The following CNTLN variants were observed in gnomAD, a reference collection of about 807,000 sequenced individuals.
CNTLN encodes centlein.
CNTLN carries 212 observed loss-of-function variants against 180.0 expected under a neutral mutation model. The ratio of observed to expected loss-of-function variants is 1.18; its 90% CI spans 1.05 to 1.32. The LOEUF is 1.32. Ranked by LOEUF, CNTLN falls within the 40% of genes most tolerant of loss-of-function variation. CNTLN has a pLI of 0.00. For missense variants in CNTLN, 2,095 were observed against 1,610.9 expected, an observed-to-expected ratio of 1.30 and a Z score of -5.14; for synonymous variants, 722 against 563.1, an observed-to-expected ratio of 1.28 and a Z score of -3.99.
chr9:17,262,709 A>G (rs975078119), intron 5 of CNTLN, among the ~76,000 whole-genome samples: 1 of 151,352 alleles, frequency 6.6e-6, no homozygotes, highest in Non-Finnish European at 1.5e-5. Flanking sequence ...AACCTTCACG[A>G]TCTGCACATG....
chr9:17,469,282 C>T (rs558277183), intron 23 of CNTLN, among the ~76,000 whole-genome samples: 1 of 151,842 alleles, frequency 6.6e-6, no homozygotes, highest in African/African-American at 2.4e-5. Context: ...CCATTTATAA[C>T]TCATGACTTC....
In CNTLN at chr9:17,266,712, C is replaced by G. The variant is rs528572962; in HGVS notation, c.850-7021C>G. Among the ~76,000 whole-genome samples, 29 of 152,238 alleles carry G rather than the reference C, an allele frequency of 1.9e-4. 1 individual carries two copies. The highest frequency in any genetic ancestry group is 6.5e-5 in the Admixed American group (1 of 15,290). ...GTTACTCAGGACTTGCTTTATGAAT[C>G]TGGGTGCTCCTGTATTGGGTGCATA... is the stretch of plus-strand genomic sequence containing the variant. On this transcript the variant is annotated intron_variant, in intron 5 of 25. Coordinates refer to ENST00000380647, the MANE Select transcript of CNTLN (RefSeq NM_017738.4).
chr9:17,381,328 T>C (rs1444387237), intron 13 of CNTLN, among the ~76,000 whole-genome samples: 1 of 152,196 alleles, frequency 6.6e-6, no homozygotes, highest in Non-Finnish European at 1.5e-5. Context: ...GGCCAGTGCC[T>C]TTCTGAGCTC....
At chr9:17,145,421 C>G (rs1200783948) in intron 2 of CNTLN, among the ~76,000 whole-genome samples, 1 of 152,098 alleles carries the variant, frequency 6.6e-6, no homozygotes, top group Non-Finnish European at 1.5e-5. Context: ...AATATTCAAC[C>G]TATGTCTGTT....
chr9:17,241,570 TA>T (rs574099230), intron 5 of CNTLN, among the ~76,000 whole-genome samples: 7 of 151,980 alleles, frequency 4.6e-5, no homozygotes, highest in Non-Finnish European at 5.9e-5. Flanking sequence ...ATTTTCAGAT[TA>T]AAAAAAATTC....
chr9:17,203,650 G>A (rs1317926010), intron 2 of CNTLN, among the ~76,000 whole-genome samples: 1 of 152,056 alleles, frequency 6.6e-6, no homozygotes, highest in Non-Finnish European at 1.5e-5. Flanking sequence ...TCCACCTCCC[G>A]TGTTCACGCC....
chr9:17,323,854 A>G (rs951194620), intron 8 of CNTLN, among the ~76,000 whole-genome samples: 1 of 152,150 alleles, frequency 6.6e-6, no homozygotes, highest in African/African-American at 2.4e-5. Flanking sequence ...GCAGTTAACA[A>G]GGTCACACCC....
At chr9:17,331,396 C>A (rs533561163) in intron 9 of CNTLN, among the ~76,000 whole-genome samples, 2 of 151,442 alleles carry the variant, frequency 1.3e-5, no homozygotes, top group African/African-American at 4.8e-5. Flanking sequence ...AGTTGTGTTA[C>A]GCTGTAAAAG....
chr9:17,510,226 G>A, the CNTLN span, among the ~76,000 whole-genome samples: 1 of 152,072 alleles, frequency 6.6e-6, no homozygotes, highest in Non-Finnish European at 1.5e-5. Flanking sequence ...AGGGGAAAGG[G>A]AATAGGGAAT....
chr9:17,519,555 A>C, the CNTLN span, among the ~76,000 whole-genome samples: 12,643 of 152,198 alleles, frequency 0.083, 1,498 homozygotes, highest in African/African-American at 0.26. Flanking sequence ...TATAGATTGA[A>C]CTGTTGTAAA....
chr9:17,398,162 T>C (rs1385516857), intron 15 of CNTLN, among the ~76,000 whole-genome samples: 1 of 152,196 alleles, frequency 6.6e-6, no homozygotes, highest in Non-Finnish European at 1.5e-5. Context: ...GAGGTGTTTA[T>C]ATCTTCAAGA....
At chr9:17,147,173 T>C (rs1361163768) in intron 2 of CNTLN, among the ~76,000 whole-genome samples, 1 of 152,204 alleles carries the variant, frequency 6.6e-6, no homozygotes, top group Admixed American at 6.5e-5. Flanking sequence ...CCACAGGCTT[T>C]CCTGAAAGGT....
chr9:17,170,000 T>C (rs1486089664), intron 2 of CNTLN, among the ~76,000 whole-genome samples: 1 of 152,206 alleles, frequency 6.6e-6, no homozygotes, highest in Admixed American at 6.5e-5. Flanking sequence ...ATGTATATTT[T>C]AGCAATAACC....
chr9:17,338,884 T>C (rs1821259875), intron 10 of CNTLN, among the ~76,000 whole-genome samples: 1 of 152,206 alleles, frequency 6.6e-6, no homozygotes, highest in Non-Finnish European at 1.5e-5. Flanking sequence ...TGAACTCTTA[T>C]CAACACAGCA....
chr9:17,255,250 C>T (rs942290225), intron 5 of CNTLN, among the ~76,000 whole-genome samples: 1 of 151,572 alleles, frequency 6.6e-6, no homozygotes, highest in South Asian at 2.1e-4. Flanking sequence ...GAGTGGGCAA[C>T]CTCATCTTGT....
At chr9:17,354,364 G>C (rs561018924) in intron 12 of CNTLN, among the ~76,000 whole-genome samples, 3 of 152,210 alleles carry the variant, frequency 2.0e-5, no homozygotes, top group Admixed American at 6.5e-5. Context: ...CTGCAGCCCC[G>C]GTGCGGGATC....
At chr9:17,480,805 A>G (rs1183235118) in intron 23 of CNTLN, among the ~76,000 whole-genome samples, 1 of 152,258 alleles carries the variant, frequency 6.6e-6, no homozygotes, top group African/African-American at 2.4e-5. Flanking sequence ...ACTGTTTCAA[A>G]TTAAAAAGCA....
intron 12 of CNTLN, among the ~76,000 whole-genome samples, chr9:17,353,839 T>C (rs1238357735): frequency 6.6e-6 from 1 of 152,280 alleles, no homozygotes; most frequent in African/African-American, 2.4e-5. Flanking sequence ...TTGGTGGCAC[T>C]TGAGGAGCCC....
At chr9:17,251,712 C>G (rs1826153991) in intron 5 of CNTLN, among the ~76,000 whole-genome samples, 1 of 151,726 alleles carries the variant, frequency 6.6e-6, no homozygotes, top group African/African-American at 2.4e-5. Flanking sequence ...TCTCCGTCAC[C>G]TTGAGTTTTT....
Sources: gnomAD v4.1 joint callset for allele counts (sites outside exome capture counted in the v4.1 genomes callset) on GRCh38, gnomAD v4.1.1 for gene constraint, MANE v1.5 for transcripts, NCBI Gene and HGNC (gene_info 2026-07-23, HGNC 2026-07-21) for gene names.